Variants in ZHX3 observed in about 807,000 individuals in gnomAD.
ZHX3 encodes the protein zinc fingers and homeoboxes protein 3.
In ZHX3, 20 loss-of-function variants were observed where a neutral mutation model predicts 64.5. The ratio of observed to expected loss-of-function variants is 0.31; its 90% CI spans 0.22 to 0.45. The LOEUF (loss-of-function observed/expected upper bound fraction) is 0.45. Among genes scored for constraint, ZHX3 ranks in the 20% least tolerant of loss-of-function variants. The probability of loss-of-function intolerance (pLI) is 1.00; values close to 1 mark genes in which losing one functional copy is unlikely to be tolerated. For missense variants in ZHX3, 1,041 were observed against 1,195.8 expected, an observed-to-expected ratio of 0.87 and a Z score of 1.91; for synonymous variants, 423 against 461.6, an observed-to-expected ratio of 0.92 and a Z score of 1.07.
At position 41,202,850 on chromosome 20, in the gene ZHX3, A is replaced by G. The variant is rs375335049; in HGVS notation, c.2067T>C (p.Asp689=). 3.8e-5 allele frequency: 62 copies of G among 1,613,724 alleles called. No homozygotes were observed. The highest frequency in any genetic ancestry group is 5.3e-5 in the Non-Finnish European group (62 of 1,179,986). Residue 689 remains aspartate, a synonymous_variant, in exon 3 of 4, where the codon GAT becomes GAC. Coordinates refer to ENST00000683867, the MANE Select transcript of ZHX3 (RefSeq NM_001384317.1). This position sits in a 1 kb window ranked among gnomAD's most constrained non-coding sequence, Gnocchi z 7.0. ...TGGCCAAATCCTCTTCTCCACCCTC[A>G]TCCTCAGCAGCCTCCTCTTCCTCCT... is the stretch of plus-strand genomic sequence containing the variant. ...ASQEEEEAAE[D]EGGEEDLASE...
intron 1 of ZHX3, chr20:41,290,542 T>C (rs570995856): frequency 6.6e-6 from 1 of 152,392 alleles, no homozygotes; most frequent in South Asian, 2.1e-4. Flanking sequence ...GCCTCCCAAG[T>C]AGCTGGGACA....
chr20:41,206,599 G>C lies in ZHX3; in HGVS notation c.-150-1533C>G, dbSNP rs199638390. 2.6e-5 allele frequency among the ~76,000 whole-genome samples: 4 copies of C among 151,956 alleles called. No individual in the cohort carries two copies. In the East Asian group the frequency reaches 7.7e-4, roughly 29 times the overall value. On this transcript the variant is annotated intron_variant, in intron 2 of 3. Transcript: ENST00000683867. ...TGAAATGAAGCGAGAAGTTTAGAGA[G>C]AAAAGAGAAAAAAGAAACGAACAAA...
chr20:41,275,789 A>G (rs1236571050), intron 1 of ZHX3, among the ~76,000 whole-genome samples: 1 of 152,146 alleles, frequency 6.6e-6, no homozygotes, highest in Non-Finnish European at 1.5e-5. Context: ...CCATCTTCTA[A>G]AAGTGTCTTC....
intron 2 of ZHX3, among the ~76,000 whole-genome samples, chr20:41,256,273 T>C (rs1029988232): frequency 5.3e-5 from 8 of 152,128 alleles, no homozygotes; most frequent in Admixed American, 3.3e-4. Flanking sequence ...TGCTTACTGC[T>C]ATGTTTTTAG....
chr20:41,187,327 A>G (rs1232815064), intron 3 of ZHX3, among the ~76,000 whole-genome samples: 4 of 140,980 alleles, frequency 2.8e-5, no homozygotes, highest in Non-Finnish European at 1.6e-5. Context: ...CTGTCTCAAA[A>G]AAAAAAAAAA....
intron 1 of ZHX3, among the ~76,000 whole-genome samples, chr20:41,292,417 G>A (rs560302804): frequency 6.6e-6 from 1 of 152,152 alleles, no homozygotes; most frequent in Non-Finnish European, 1.5e-5. Flanking sequence ...ATGCTTAATA[G>A]TAATTTTTTT....
intron 2 of ZHX3, among the ~76,000 whole-genome samples, chr20:41,222,408 T>C (rs2040002517): frequency 6.6e-6 from 1 of 152,210 alleles, no homozygotes; most frequent in Admixed American, 6.5e-5. Context: ...AGAAGGTCCT[T>C]TTCCAGGGGA....
chr20:41,313,968 T>C (rs776395794), intron 1 of ZHX3, among the ~76,000 whole-genome samples: 1 of 152,226 alleles, frequency 6.6e-6, no homozygotes, highest in Non-Finnish European at 1.5e-5. Context: ...CAACTTCTTG[T>C]ATATTTGGAG....
intron 2 of ZHX3, among the ~76,000 whole-genome samples, chr20:41,210,081 A>C (rs2039039888): frequency 6.6e-6 from 1 of 152,334 alleles, no homozygotes; most frequent in African/African-American, 2.4e-5. Context: ...ATGCAGCCAA[A>C]AGACACATGA....
chr20:41,217,845 T>C (rs1276035473), intron 2 of ZHX3, among the ~76,000 whole-genome samples: 1 of 152,216 alleles, frequency 6.6e-6, no homozygotes, highest in Non-Finnish European at 1.5e-5. Context: ...AGCCAGATAT[T>C]CTGATTCTAA....
At chr20:41,249,743 T>C (rs1039071778) in intron 2 of ZHX3, among the ~76,000 whole-genome samples, 1 of 152,128 alleles carries the variant, frequency 6.6e-6, no homozygotes, top group Non-Finnish European at 1.5e-5. Context: ...TCTCCCCACC[T>C]CCTTGTAAGC....
chr20:41,305,550 C>T (rs1359680681), intron 1 of ZHX3, among the ~76,000 whole-genome samples: 4 of 151,882 alleles, frequency 2.6e-5, no homozygotes, highest in African/African-American at 9.7e-5. Context: ...TTTGGGAGGC[C>T]GGGACGGGCG....
Position 41,185,819 on chromosome 20 carries a change from G to A in ZHX3, c.2861-618C>T, listed in dbSNP as rs184967981. On this transcript the variant is annotated intron_variant, in intron 3 of 3. Coordinates refer to ENST00000683867, the MANE Select transcript of ZHX3 (RefSeq NM_001384317.1). The surrounding 1 kb of genome is among the most constrained non-coding windows in gnomAD (Gnocchi z 5.0). ...GCCCTTCCTGTACCCACAGTTACCT[G>A]TCTCAGACAGAAGAGAACAATGCCA... 1.3e-5 allele frequency: 2 copies of A among 152,858 alleles called. No individual in the cohort carries two copies. Among genetic ancestry groups the A allele is most frequent in the African/African-American group, 4.8e-5 (2 of 41,566 alleles). 9.5% of individuals were successfully genotyped at this position (152,858 alleles called of 1,614,324 possible).
chr20:41,288,149 T>C (rs2044031596), intron 1 of ZHX3, among the ~76,000 whole-genome samples: 1 of 152,176 alleles, frequency 6.6e-6, no homozygotes, highest in Non-Finnish European at 1.5e-5. Flanking sequence ...CACTTTAGCC[T>C]TCCAGGACTA....
At chr20:41,261,346 A>G (rs2042553021) in intron 2 of ZHX3, among the ~76,000 whole-genome samples, 1 of 152,202 alleles carries the variant, frequency 6.6e-6, no homozygotes, top group African/African-American at 2.4e-5. Context: ...GTCATCTGTA[A>G]ACAAACAAAA....
At chr20:41,214,302 C>A (rs557581233) in intron 2 of ZHX3, among the ~76,000 whole-genome samples, 1 of 152,128 alleles carries the variant, frequency 6.6e-6, no homozygotes, top group East Asian at 1.9e-4. Context: ...CATAATAAAC[C>A]CAAGAAAAGG....
At chr20:41,294,178 A>C (rs1005336421) in intron 1 of ZHX3, among the ~76,000 whole-genome samples, 1 of 152,238 alleles carries the variant, frequency 6.6e-6, no homozygotes, top group Admixed American at 6.5e-5. Flanking sequence ...CCAGGGCTAG[A>C]GGATGCTTGG....
chr20:41,239,405 A>G (rs2041236602), intron 2 of ZHX3, among the ~76,000 whole-genome samples: 1 of 152,246 alleles, frequency 6.6e-6, no homozygotes, highest in African/African-American at 2.4e-5. Context: ...CCCAAGCTTC[A>G]TGTCCCAAAC....
At position 41,185,320 on chromosome 20, in the gene ZHX3, G is replaced by A; in HGVS notation, c.2861-119C>T. Reference sequence around the variant, plus strand: ...GGCTTTGAGGACCTCTTAATTCCATGAGCAATGAATGGCCTTCTGCCACCC... The same window carrying A: ...GGCTTTGAGGACCTCTTAATTCCATAAGCAATGAATGGCCTTCTGCCACCC... On this transcript the variant is annotated intron_variant, in intron 3 of 3. Coordinates refer to ENST00000683867, the MANE Select transcript of ZHX3 (RefSeq NM_001384317.1). The surrounding 1 kb of genome is among the most constrained non-coding windows in gnomAD (Gnocchi z 5.0). 2 of 1,238,882 alleles carry A rather than the reference G, an allele frequency of 1.6e-6. No homozygotes were observed. The highest frequency in any genetic ancestry group is 1.1e-6 in the Non-Finnish European group (1 of 898,128). The allele number at this position is 1,238,882 out of a possible 1,614,324, so 76.7% of individuals were successfully genotyped here. A position where few individuals can be genotyped will look rare whatever the true frequency, so the allele number is the denominator to read the frequency against.
Sources: allele counts gnomAD v4.1 joint callset (sites outside exome capture counted in the v4.1 genomes callset), GRCh38; gene constraint gnomAD v4.1.1; non-coding constraint Gnocchi (gnomAD v3.1); transcripts MANE v1.5; gene names NCBI Gene and HGNC (gene_info 2026-07-23, HGNC 2026-07-21).